Variants in RBM19 observed in about 807,000 individuals in gnomAD.
RBM19 encodes the protein probable RNA-binding protein 19.
Under a neutral mutation model 116.8 loss-of-function variants are expected in RBM19, and 94 were observed. The ratio of observed to expected loss-of-function variants is 0.80; its 90% CI spans 0.68 to 0.95. The LOEUF (loss-of-function observed/expected upper bound fraction) is 0.95. Among genes scored for constraint, RBM19 ranks in the 40% least tolerant of loss-of-function variants. RBM19 has a pLI of 0.00. For synonymous variants in RBM19, 475 were observed against 494.1 expected (o/e 0.96, Z 0.51); for missense variants, 1,161 against 1,220.7 (o/e 0.95, Z 0.73).
rs1487576882 is a variant in RBM19, at chr12:113,957,930, T to G, written c.692A>C (p.Asp231Ala). 1 of 1,614,214 alleles carries G rather than the reference T, an allele frequency of 6.2e-7. No homozygotes were observed. The highest frequency in any genetic ancestry group is 1.1e-5 in the South Asian group (1 of 91,080). Residue 231 changes from aspartate to alanine, a missense_variant, in exon 6 of 24, where the codon GAT becomes GCT. Physicochemically the swap from Asp to Ala is moderately radical, Grantham distance 126. Coordinates refer to ENST00000261741, the MANE Select transcript of RBM19 (RefSeq NM_016196.4). Reference protein sequence around the residue: ...SSSSEEEESEDEAVHCDEGSE... With the variant: ...SSSSEEEESEAEAVHCDEGSE... ...CCCTTCATCACAGTGCACGGCTTCA[T>G]CTTCACTTTCCTCTTCCTCCGAGGA...
At chr12:113,861,474 C>CTGTGTGTGTGTG (rs57704604) in intron 21 of RBM19, among the ~76,000 whole-genome samples, 6,137 of 126,278 alleles carry the variant, frequency 0.049, 214 homozygotes, top group South Asian at 0.086. Flanking sequence ...AAGCCAGACT[C>CTGTGTGTGTGTG]TGTGTGTGTG....
At chr12:113,883,103 G>C (rs1880267754) in intron 21 of RBM19, among the ~76,000 whole-genome samples, 1 of 152,174 alleles carries the variant, frequency 6.6e-6, no homozygotes, top group African/African-American at 2.4e-5. Context: ...GGGAACGAGG[G>C]AGAAAAAACA....
At chr12:113,839,017 T>C (rs1876213094) in intron 23 of RBM19, among the ~76,000 whole-genome samples, 1 of 152,236 alleles carries the variant, frequency 6.6e-6, no homozygotes, top group Non-Finnish European at 1.5e-5. Flanking sequence ...TGCCTGCCTT[T>C]CATTCTGTGG....
intron 19 of RBM19, among the ~76,000 whole-genome samples, chr12:113,919,238 A>C (rs1195389592): frequency 6.6e-6 from 1 of 152,182 alleles, no homozygotes; most frequent in Non-Finnish European, 1.5e-5. Flanking sequence ...GGCACCATGC[A>C]TCAGGATGCA....
At chr12:113,904,975 T>C (rs1881944759) in intron 21 of RBM19, among the ~76,000 whole-genome samples, 1 of 152,226 alleles carries the variant, frequency 6.6e-6, no homozygotes, top group Non-Finnish European at 1.5e-5. Context: ...CAAACTGACC[T>C]GGCATCCCAC....
In RBM19 at chr12:113,858,851, A is replaced by G; in HGVS notation, c.2604T>C (p.Thr868=). ...LKTVRLPKKM[T]GTGTHRGFGF... The stretch of plus-strand genomic sequence containing the variant: ...CGAAGCCTCTGTGTGTGCCTGTCCC[A>G]GTCATCTTCTTTGGCAGGCGGACCG... The change falls in exon 22 of 24, where the codon ACT becomes ACC. Residue 868 remains threonine, a synonymous_variant. Coordinates refer to ENST00000261741, the MANE Select transcript of RBM19 (RefSeq NM_016196.4). 2 of 1,614,134 alleles carry G rather than the reference A, an allele frequency of 1.2e-6. No homozygotes were observed. The highest frequency in any genetic ancestry group is 1.7e-6 in the Non-Finnish European group (2 of 1,180,040).
At chr12:113,931,114 C>G (rs193194290) in intron 16 of RBM19, among the ~76,000 whole-genome samples, 1 of 152,054 alleles carries the variant, frequency 6.6e-6, no homozygotes, top group Non-Finnish European at 1.5e-5. Flanking sequence ...ATAATTATGA[C>G]GAAGAATGCA....
chr12:113,860,145 G>A lies in RBM19; in HGVS notation c.2559-1249C>T, dbSNP rs1032533669. ...GCAGGCAACGAGAAACGGCAGAGAG[G>A]CACTGGTGACAAGGCCAGCCTCCCG... is the stretch of plus-strand genomic sequence containing the variant. On this transcript the variant is annotated intron_variant, in intron 21 of 23. Coordinates refer to ENST00000261741, the MANE Select transcript of RBM19 (RefSeq NM_016196.4). Among the ~76,000 whole-genome samples, 26 of 152,238 alleles carry A rather than the reference G, an allele frequency of 1.7e-4. 1 individual carries two copies. Among genetic ancestry groups the A allele is most frequent in the Admixed American group, 1.7e-3 (26 of 15,292 alleles).
chr12:113,849,071 C>T (rs1489102158), intron 22 of RBM19, among the ~76,000 whole-genome samples: 2 of 152,234 alleles, frequency 1.3e-5, no homozygotes, highest in African/African-American at 4.8e-5. Flanking sequence ...TTGGCCTCTA[C>T]ACGTTGTCTC....
chr12:113,824,786 A>G (rs1173462893), intron 23 of RBM19, among the ~76,000 whole-genome samples: 1 of 151,990 alleles, frequency 6.6e-6, no homozygotes, highest in Admixed American at 6.6e-5. Context: ...CAATTCAAAC[A>G]TTGAACCCGT....
chr12:113,919,565 C>T lies in RBM19; in HGVS notation c.2385+1046G>A, dbSNP rs989485898. 5.3e-5 allele frequency among the ~76,000 whole-genome samples: 8 copies of T among 152,112 alleles called. 1 individual carries two copies. Among genetic ancestry groups the T allele is most frequent in the African/African-American group, 1.9e-4 (8 of 41,418 alleles). ...CAGCCTGGGCGACAGAGTGAGACTC[C>T]GTCTCAAGAAAAAAGAAGAACTTAT... is the stretch of plus-strand genomic sequence containing the variant. On this transcript the variant is annotated intron_variant, in intron 19 of 23. Coordinates refer to ENST00000261741, the MANE Select transcript of RBM19 (RefSeq NM_016196.4).
intron 21 of RBM19, among the ~76,000 whole-genome samples, chr12:113,901,677 T>A (rs941627571): frequency 6.7e-6 from 1 of 149,776 alleles, no homozygotes; most frequent in African/African-American, 2.5e-5. Flanking sequence ...CCTGGCTAAT[T>A]TTTTTTTTTC....
chr12:113,928,811 G>C (rs1303670769), intron 16 of RBM19, among the ~76,000 whole-genome samples: 2 of 152,106 alleles, frequency 1.3e-5, no homozygotes, highest in African/African-American at 4.8e-5. Context: ...AGGAGGAAAT[G>C]TGTTCAATTC....
rs116765955 is a variant in RBM19 at position 113,842,976 on chromosome 12, A to G, written c.2785+1692T>C. ...AGTGTGGGCAGGAGGCAGTGTTCTG[A>G]AGCGTGTGGCAGCTGGGCTAGAATC... On this transcript the variant is annotated intron_variant, in intron 23 of 23. Coordinates refer to ENST00000261741, the MANE Select transcript of RBM19 (RefSeq NM_016196.4). Among the ~76,000 whole-genome samples, 1,161 of 152,276 alleles carry G rather than the reference A, an allele frequency of 7.6e-3. 17 individuals are homozygous for G. The highest frequency in any genetic ancestry group is 0.027 in the African/African-American group (1,122 of 41,552).
chr12:113,962,067 C>T (rs751269841), intron 2 of RBM19, among the ~76,000 whole-genome samples, 165 bp downstream of exon 2: 1 of 152,234 alleles, frequency 6.6e-6, no homozygotes, highest in Non-Finnish European at 1.5e-5. Context: ...TTATAATAAG[C>T]TCTCAGGTGA....
chr12:113,922,249 G>A (rs922230482), intron 18 of RBM19, among the ~76,000 whole-genome samples: 2 of 152,130 alleles, frequency 1.3e-5, no homozygotes, highest in African/African-American at 4.8e-5. Context: ...CCAGCCACAC[G>A]TCGGCCCCTT....
intron 20 of RBM19, among the ~76,000 whole-genome samples, chr12:113,916,020 A>T (rs1255681653): frequency 2.0e-5 from 3 of 152,022 alleles, no homozygotes; most frequent in African/African-American, 7.3e-5. Flanking sequence ...ACATTTAATC[A>T]TGTTTCTTTT....
intron 19 of RBM19, 89 bp from the exon 20 acceptor site, chr12:113,918,536 G>C (rs181018875): frequency 1.3e-4 from 176 of 1,353,204 alleles, no homozygotes; most frequent in Non-Finnish European, 2.6e-5. Context: ...GCCCTGGCTC[G>C]CAGATGGGAG....
At chr12:113,902,769 A>G (rs1411297782) in intron 21 of RBM19, among the ~76,000 whole-genome samples, 3 of 152,190 alleles carry the variant, frequency 2.0e-5, no homozygotes, top group Admixed American at 6.5e-5. Flanking sequence ...TGTCTTGAAC[A>G]TACCAGTTTG....
Sources: allele counts gnomAD v4.1 joint callset (sites outside exome capture counted in the v4.1 genomes callset), GRCh38; gene constraint gnomAD v4.1.1; transcripts MANE v1.5; gene names NCBI Gene and HGNC (gene_info 2026-07-23, HGNC 2026-07-21).